Variants in NRDE2 observed in about 807,000 individuals in gnomAD.
NRDE2 encodes the protein nuclear exosome regulator NRDE2.
A neutral mutation model predicts 124.2 loss-of-function variants in NRDE2; 76 were observed. The observed-to-expected ratio is 0.61, with a 90% CI of 0.51 to 0.74. NRDE2 has a LOEUF of 0.74. NRDE2 is among the 30% of genes least tolerant of loss of function. The probability of loss-of-function intolerance (pLI) is 0.00; values close to 1 mark genes in which losing one functional copy is unlikely to be tolerated. For synonymous variants in NRDE2, 489 were observed against 528.1 expected, an observed-to-expected ratio of 0.93 and a Z score of 1.01; for missense variants, 1,314 against 1,417.3, an observed-to-expected ratio of 0.93 and a Z score of 1.17.
chr14:90,319,021 T>C (rs1555362035), intron 1 of NRDE2, among the ~76,000 whole-genome samples: 1 of 152,224 alleles, frequency 6.6e-6, no homozygotes, highest in Non-Finnish European at 1.5e-5. Flanking sequence ...ACTGTGATGA[T>C]TATCTCTAGG....
rs759012045 is a variant in NRDE2, at chr14:90,270,216, T to C, written c.*8120A>G. The C allele has an allele frequency of 6.2e-7, 1 of 1,613,682 alleles. No homozygotes were observed. Among genetic ancestry groups the C allele is most frequent in the South Asian group, 1.1e-5 (1 of 91,058 alleles). Reference sequence around the variant, plus strand: ...CCTGCAGGCCGCATTGACAGGAAGATTGAGTTCCCCCTGCCTGATGAAAAG... The same window carrying C: ...CCTGCAGGCCGCATTGACAGGAAGACTGAGTTCCCCCTGCCTGATGAAAAG... On this transcript the variant is annotated 3_prime_UTR_variant, in exon 14 of 14. Transcript: ENST00000354366.
rs114316342 is a variant in NRDE2, at chr14:90,270,133, C to T, written c.*8203G>A. The T allele has an allele frequency of 0.19, 294,966 of 1,574,812 alleles. 29,206 individuals carry two copies. The highest frequency in any genetic ancestry group is 0.22 in the South Asian group (19,140 of 86,114). On this transcript the variant is annotated 3_prime_UTR_variant, in exon 14 of 14. Transcript: ENST00000354366. ...CGTATGTAAGGAGATGGGCTGAGGC[C>T]TCTGAGCCATGGCCGAGCCTGGGTT...
intron 1 of NRDE2, among the ~76,000 whole-genome samples, chr14:90,329,087 T>G (rs1183766124): frequency 2.0e-5 from 3 of 152,204 alleles, no homozygotes; most frequent in Non-Finnish European, 4.4e-5. Context: ...TAAAACATAC[T>G]TTTACACACA....
intron 13 of NRDE2, 79 bp from the exon 14 acceptor site, chr14:90,278,540 G>A: frequency 1.3e-6 from 2 of 1,576,932 alleles, no homozygotes; most frequent in Non-Finnish European, 1.7e-6. Context: ...GCAAGGGCCA[G>A]GTTCCTGGTG....
At position 90,304,102 on chromosome 14, in the gene NRDE2, T is replaced by C. The variant is rs759766647; in HGVS notation, c.838A>G (p.Thr280Ala). 1.9e-6 allele frequency: 3 copies of C among 1,614,234 alleles called. No individual in the cohort carries two copies. The highest frequency in any genetic ancestry group is 2.5e-6 in the Non-Finnish European group (3 of 1,180,042). Reference sequence around the variant, plus strand: ...GGACCCTGTCCTTGTAGCCAATGTGTGGTTGACTGATCATAAATCCCCAGA... The same window carrying C: ...GGACCCTGTCCTTGTAGCCAATGTGCGGTTGACTGATCATAAATCCCCAGA... ...NPLGIYDQSTTHWLQGQGPPE... is the reference protein window; with the variant it reads ...NPLGIYDQSTAHWLQGQGPPE... Residue 280 changes from threonine (T) to alanine (A), a missense_variant, in exon 5 of 14, where the codon ACA becomes GCA. Coordinates refer to ENST00000354366, the MANE Select transcript of NRDE2 (RefSeq NM_017970.4).
At position 90,274,546 on chromosome 14, in the gene NRDE2, GTAT is replaced by G. The variant is rs1555358508; in HGVS notation, c.*3787_*3789del. 6.6e-6 allele frequency: 1 copy of G among 151,606 alleles called. No individual in the cohort carries two copies. The highest frequency in any genetic ancestry group is 2.4e-5 in the African/African-American group (1 of 41,280). 9.4% of individuals were successfully genotyped at this position (151,606 alleles called of 1,614,324 possible). A position where few individuals can be genotyped will look rare whatever the true frequency, so the allele number is the denominator to read the frequency against. On this transcript the variant is annotated 3_prime_UTR_variant, in exon 14 of 14. Transcript: ENST00000354366. ...TAGACCCAGACCTTTGCTGCTAAAA[GTAT>G]TATTCTCCACTAAAAGGAGTGAGGG...
Position 90,301,342 on chromosome 14 carries a change from C to A in NRDE2, c.1442G>T (p.Arg481Leu), listed in dbSNP as rs150270537. 1 of 1,613,876 alleles carries A rather than the reference C, an allele frequency of 6.2e-7. No individual in the cohort carries two copies. Among genetic ancestry groups the A allele is most frequent in the Admixed American group, 1.7e-5 (1 of 60,010 alleles). Residue 481 changes from arginine to leucine, a missense_variant, in exon 7 of 14, where the codon CGG becomes CTG. Transcript: ENST00000354366. ...GGCCTTCTCAGAGTGGCCAGCCTGCCGCAGAAAGTGGCACTGCTGAAGAAA... is the reference window on the plus strand; with the variant it reads ...GGCCTTCTCAGAGTGGCCAGCCTGCAGCAGAAAGTGGCACTGCTGAAGAAA... ...ALFLQQCHFL[R>L]QAGHSEKAIS...
chr14:90,279,596 G>T, intron 12 of NRDE2: 1 of 154,598 alleles, frequency 6.5e-6, no homozygotes. Flanking sequence ...GAAAAGAGAT[G>T]GCCAGGACTG....
In NRDE2 at chr14:90,272,184, G is replaced by A. The variant is rs1891686888; in HGVS notation, c.*6152C>T. The A allele has an allele frequency of 7.5e-6, 11 of 1,474,286 alleles. No homozygotes were observed. Among genetic ancestry groups the A allele is most frequent in the Non-Finnish European group, 9.2e-6 (10 of 1,086,376 alleles). The allele number at this position is 1,474,286 out of a possible 1,614,324, so 91.3% of individuals were successfully genotyped here. A position where few individuals can be genotyped will look rare whatever the true frequency, so the allele number is the denominator to read the frequency against. On this transcript the variant is annotated 3_prime_UTR_variant, in exon 14 of 14. Coordinates refer to ENST00000354366, the MANE Select transcript of NRDE2 (RefSeq NM_017970.4). The surrounding 1 kb of genome is among the most constrained non-coding windows in gnomAD (Gnocchi z 4.5). ...GCTGGGATTACAGGTGTGAGCCACCGCGCCTGGCCTCAGAATAGGTTTTTT... is the reference window on the plus strand; with the variant it reads ...GCTGGGATTACAGGTGTGAGCCACCACGCCTGGCCTCAGAATAGGTTTTTT...
chr14:90,279,111 C>G lies in NRDE2; in HGVS notation c.3320G>C (p.Arg1107Thr). The G allele has an allele frequency of 6.2e-7, 1 of 1,612,260 alleles. No individual in the cohort carries two copies. Among genetic ancestry groups the G allele is most frequent in the Non-Finnish European group, 8.5e-7 (1 of 1,178,266 alleles). The change falls in exon 13 of 14, where the codon AGA (arginine) becomes ACA (threonine). Residue 1107 changes from arginine to threonine, a missense_variant. By Grantham distance (71) the Arg-to-Thr change is moderately conservative. Coordinates refer to ENST00000354366, the MANE Select transcript of NRDE2 (RefSeq NM_017970.4). ...NFLVSLGNKE[R>T]SKGVFYKALQ... ...TGCTTTGTAGAATACACCTTTGCTT[C>G]TTTCTTTATTTCCTAAGGAAACCTG...
At position 90,278,968 on chromosome 14, in the gene NRDE2, G is replaced by A. The variant is rs1031607686; in HGVS notation, c.3369+94C>T. 4.6e-5 allele frequency: 40 copies of A among 866,886 alleles called. No homozygotes were observed. The African/African-American group carries it at 4.8e-4, about 10-fold the overall frequency. The allele number at this position is 866,886 out of a possible 1,614,324, so 53.7% of individuals were successfully genotyped here. A position where few individuals can be genotyped will look rare whatever the true frequency, so the allele number is the denominator to read the frequency against. Reference sequence around the variant, plus strand: ...TGGCGTCCATGAGCCGAGCATCCCCGGTGCCGCGGGGCAGGCCGGGAAGAC... The same window carrying A: ...TGGCGTCCATGAGCCGAGCATCCCCAGTGCCGCGGGGCAGGCCGGGAAGAC... On this transcript the variant is annotated intron_variant, in intron 13 of 13. Transcript: ENST00000354366.
At position 90,301,100 on chromosome 14, in the gene NRDE2, T is replaced by C. The variant is rs939522722; in HGVS notation, c.1545+139A>G. ...AGAATTCCTCCTCAGCAGACTGATATAAAGGAGGATATGATATTTTAAAAA... is the reference window on the plus strand; with the variant it reads ...AGAATTCCTCCTCAGCAGACTGATACAAAGGAGGATATGATATTTTAAAAA... On this transcript the variant is annotated intron_variant, in intron 7 of 13. Coordinates refer to ENST00000354366, the MANE Select transcript of NRDE2 (RefSeq NM_017970.4). The C allele has an allele frequency of 1.3e-5, 10 of 799,544 alleles. No individual in the cohort carries two copies. The African/African-American group carries it at 1.6e-4, about 12-fold the overall frequency. The allele number at this position is 799,544 out of a possible 1,614,324, so 49.5% of individuals were successfully genotyped here. A position where few individuals can be genotyped will look rare whatever the true frequency, so the allele number is the denominator to read the frequency against.
At chr14:90,306,827 C>T (rs1884620093) in intron 4 of NRDE2, among the ~76,000 whole-genome samples, 1 of 151,420 alleles carries the variant, frequency 6.6e-6, no homozygotes, top group Non-Finnish European at 1.5e-5. Context: ...AAAAAAATAG[C>T]ACTAATGTAG....
chr14:90,300,961 G>C (rs1383414305), intron 7 of NRDE2, among the ~76,000 whole-genome samples: 1 of 145,836 alleles, frequency 6.9e-6, no homozygotes, highest in Non-Finnish European at 1.5e-5. Context: ...GGCAGGGTGG[G>C]AGGGTGAGTC....
At chr14:90,301,729 A>G in intron 6 of NRDE2, 3 of 453,238 alleles carry the variant, frequency 6.6e-6, no homozygotes, top group Non-Finnish European at 1.3e-5. Context: ...TTTTATCAGA[A>G]AGCAAAGAGC....
intron 10 of NRDE2, 126 bp downstream of exon 10, chr14:90,290,095 G>T: frequency 1.0e-6 from 1 of 1,000,632 alleles, no homozygotes; most frequent in Non-Finnish European, 1.4e-6. Context: ...GTGCCTTCAG[G>T]GTCACTGGAG....
chr14:90,285,231 A>G (rs978725287), intron 12 of NRDE2, among the ~76,000 whole-genome samples: 1 of 143,746 alleles, frequency 7.0e-6, no homozygotes, highest in Non-Finnish European at 1.5e-5. Flanking sequence ...AGATCCCACT[A>G]CTGCACTCCA....
chr14:90,292,737 T>C lies in NRDE2; in HGVS notation c.1802A>G (p.Lys601Arg). 6.2e-7 allele frequency: 1 copy of C among 1,614,226 alleles called. No homozygotes were observed. Among genetic ancestry groups the C allele is most frequent in the Non-Finnish European group, 8.5e-7 (1 of 1,180,034 alleles). ...CTCACAGTCTTCCTCGGTTTGCTTCTTGGTCTTATCAGGGCGCCAGGGCCG... is the reference window on the plus strand; with the variant it reads ...CTCACAGTCTTCCTCGGTTTGCTTCCTGGTCTTATCAGGGCGCCAGGGCCG... ...HWRPWRPDKT[K>R]KQTEEDCEDP... The change falls in exon 9 of 14, where the codon AAG becomes AGG. Residue 601 changes from lysine (K) to arginine (R), a missense_variant. By Grantham distance (26) the Lys-to-Arg change is conservative. Transcript: ENST00000354366.
chr14:90,327,784 G>A (rs563628175), intron 1 of NRDE2, among the ~76,000 whole-genome samples: 1 of 152,286 alleles, frequency 6.6e-6, no homozygotes, highest in African/African-American at 2.4e-5. Flanking sequence ...GATCGCTTGA[G>A]GTCAGGAGTT....
Sources: allele counts gnomAD v4.1 joint callset (sites outside exome capture counted in the v4.1 genomes callset), GRCh38; gene constraint gnomAD v4.1.1; non-coding constraint Gnocchi (gnomAD v3.1); transcripts MANE v1.5; gene names NCBI Gene and HGNC (gene_info 2026-07-23, HGNC 2026-07-21).